The following KAZN variants were observed in gnomAD, a reference collection of about 807,000 sequenced individuals.
KAZN encodes kazrin, periplakin interacting protein.
A neutral mutation model predicts 87.4 loss-of-function variants in KAZN; 40 were observed. The observed-to-expected ratio is 0.46, with a 90% CI of 0.36 to 0.60. KAZN has a LOEUF of 0.60. Ranked by LOEUF, KAZN falls within the 20% of genes least tolerant of loss-of-function variation. KAZN has a pLI of 0.00. For synonymous variants in KAZN, 466 were observed against 458.3 expected (o/e 1.02, Z -0.22); for missense variants, 898 against 1,073.9 (o/e 0.84, Z 2.29).
chr1:15,083,895 T>A (rs553828264), intron 8 of KAZN, among the ~76,000 whole-genome samples: 8 of 152,276 alleles, frequency 5.3e-5, no homozygotes, highest in African/African-American at 1.9e-4. Context: ...GCTGCTCACA[T>A]AGGTTCTTCT....
intron 1 of KAZN, among the ~76,000 whole-genome samples, chr1:14,808,642 T>G (rs935362920): frequency 6.6e-6 from 1 of 152,152 alleles, no homozygotes; most frequent in Admixed American, 6.5e-5. Context: ...AGAGATGACA[T>G]GTCTCAAAGT....
chr1:14,329,180 C>T (rs1351096645), intron 2 of KAZN, among the ~76,000 whole-genome samples: 1 of 152,116 alleles, frequency 6.6e-6, no homozygotes, highest in Non-Finnish European at 1.5e-5. Flanking sequence ...TAGGGATGTT[C>T]TTCCCACAAG....
At chr1:14,155,691 C>G (rs1645577928) in intron 1 of KAZN, among the ~76,000 whole-genome samples, 1 of 151,610 alleles carries the variant, frequency 6.6e-6, no homozygotes, top group African/African-American at 2.4e-5. Flanking sequence ...GCTCTGTTAC[C>G]CAGGCTGGAG....
At chr1:14,387,340 G>C (rs529873832) in intron 2 of KAZN, among the ~76,000 whole-genome samples, 2 of 152,312 alleles carry the variant, frequency 1.3e-5, no homozygotes, top group South Asian at 4.1e-4. Context: ...GTCCAGCTTT[G>C]TTCTGTTGCT....
chr1:14,828,214 T>C (rs763245600), intron 1 of KAZN, among the ~76,000 whole-genome samples: 3 of 152,250 alleles, frequency 2.0e-5, no homozygotes, highest in Non-Finnish European at 4.4e-5. Context: ...TGATCATTTA[T>C]ATTAATAAAC....
intron 1 of KAZN, among the ~76,000 whole-genome samples, chr1:14,697,431 G>T (rs556026647): frequency 6.6e-6 from 1 of 152,340 alleles, no homozygotes; most frequent in East Asian, 1.9e-4. Flanking sequence ...ATGACCTCCT[G>T]TCCGTAAGCA....
At chr1:14,550,502 G>A (rs1673432107) in intron 2 of KAZN, among the ~76,000 whole-genome samples, 1 of 152,080 alleles carries the variant, frequency 6.6e-6, no homozygotes. Context: ...AGAGTGGAGG[G>A]AATGAGTGAA....
At chr1:14,721,079 C>A (rs527501136) in intron 1 of KAZN, among the ~76,000 whole-genome samples, 1 of 152,176 alleles carries the variant, frequency 6.6e-6, no homozygotes, top group Non-Finnish European at 1.5e-5. Context: ...GAGGCCTGAG[C>A]GGTGGTATTG....
chr1:14,396,168 C>CAAAAAA (rs764796102), intron 2 of KAZN, among the ~76,000 whole-genome samples: 1 of 120,950 alleles, frequency 8.3e-6, no homozygotes, highest in African/African-American at 3.1e-5. Context: ...GACTCCGTCT[C>CAAAAAA]AAAAAAAAAA....
intron 1 of KAZN, among the ~76,000 whole-genome samples, chr1:14,720,451 C>T (rs1643034767): frequency 6.6e-6 from 1 of 152,158 alleles, no homozygotes; most frequent in African/African-American, 2.4e-5. Flanking sequence ...TTCTTGTCTC[C>T]TTCTGAAACC....
intron 2 of KAZN, among the ~76,000 whole-genome samples, chr1:14,590,316 G>A (rs2148579049): frequency 6.6e-6 from 1 of 152,298 alleles, no homozygotes; most frequent in South Asian, 2.1e-4. Flanking sequence ...CAGAGGAGTA[G>A]CTCCCTCCTC....
At chr1:14,312,218 G>A (rs1252843806) in intron 2 of KAZN, among the ~76,000 whole-genome samples, 1 of 152,182 alleles carries the variant, frequency 6.6e-6, no homozygotes, top group African/African-American at 2.4e-5. Context: ...CATTAGACAA[G>A]TTACTAAATA....
chr1:14,916,794 G>T (rs1445452243), intron 1 of KAZN, among the ~76,000 whole-genome samples: 1 of 152,002 alleles, frequency 6.6e-6, no homozygotes, highest in Non-Finnish European at 1.5e-5. Flanking sequence ...CACACCTGTG[G>T]TCCTAGGTAC....
At chr1:14,004,755 C>T (rs1473323030) in intron 1 of KAZN, among the ~76,000 whole-genome samples, 1 of 15,314 alleles carries the variant, frequency 6.5e-5, no homozygotes, top group Non-Finnish European at 1.8e-4. Context: ...TTGGAGCTTA[C>T]TTAATCTCCC....
chr1:15,026,506 G>C (rs551936338), intron 2 of KAZN, among the ~76,000 whole-genome samples: 6 of 152,276 alleles, frequency 3.9e-5, no homozygotes, highest in African/African-American at 1.4e-4. Context: ...CCGAGGCTTA[G>C]AGCGGGGGAA....
At chr1:14,938,353 C>G (rs1660685751) in intron 1 of KAZN, among the ~76,000 whole-genome samples, 1 of 152,160 alleles carries the variant, frequency 6.6e-6, no homozygotes, top group African/African-American at 2.4e-5. Context: ...ACCAGCCTGG[C>G]CAAAATGGCA....
chr1:14,198,007 G>T (rs541070867), intron 2 of KAZN, among the ~76,000 whole-genome samples: 5 of 68,044 alleles, frequency 7.3e-5, no homozygotes, highest in Non-Finnish European at 1.4e-4. Context: ...TTCCACTCAG[G>T]GTTGAAAAAT....
At chr1:14,124,684 A>T (rs1644825012) in intron 1 of KAZN, among the ~76,000 whole-genome samples, 1 of 146,864 alleles carries the variant, frequency 6.8e-6, no homozygotes, top group South Asian at 2.2e-4. Flanking sequence ...CTGAAGTCCC[A>T]TCAGTCCCCT....
intron 1 of KAZN, among the ~76,000 whole-genome samples, chr1:14,038,953 C>T (rs929442292): frequency 6.6e-6 from 1 of 152,024 alleles, no homozygotes; most frequent in Non-Finnish European, 1.5e-5. Flanking sequence ...ATCATGAGGT[C>T]AGGAGATTGA....
Sources: allele counts gnomAD v4.1 joint callset (sites outside exome capture counted in the v4.1 genomes callset), GRCh38; gene constraint gnomAD v4.1.1; transcripts MANE v1.5; gene names NCBI Gene and HGNC (gene_info 2026-07-23, HGNC 2026-07-21).